The following IGSF10 variants were observed in gnomAD, a reference collection of about 807,000 sequenced individuals.
IGSF10 encodes the protein calvaria mechanical force protein 608.
In IGSF10, 126 loss-of-function variants were observed where a neutral mutation model predicts 128.2. The observed-to-expected ratio is 0.98, with a 90% CI of 0.85 to 1.14. IGSF10 has a LOEUF of 1.14. Among genes scored for constraint, IGSF10 ranks in the 50% most tolerant of loss-of-function variants. The pLI, the probability that IGSF10 is intolerant of heterozygous loss-of-function variation, is 0.00. For missense variants in IGSF10, 3,295 were observed against 3,149.8 expected (o/e 1.05, Z -1.10); for synonymous variants, 1,185 against 1,146.2 (o/e 1.03, Z -0.68).
At chr3:151,498,958 GA>G in the IGSF10 span, among the ~76,000 whole-genome samples, 2 of 151,974 alleles carry the variant, frequency 1.3e-5, no homozygotes, top group East Asian at 3.9e-4. Flanking sequence ...TTTTTAATAG[GA>G]TTTTTTTTCA....
intron 7 of IGSF10, among the ~76,000 whole-genome samples, 162 bp downstream of exon 7, chr3:151,442,822 G>C (rs1333796258): frequency 6.6e-6 from 1 of 152,152 alleles, no homozygotes; most frequent in Non-Finnish European, 1.5e-5. Flanking sequence ...GTATTCAAAT[G>C]ATCTCAAAAG....
intron 7 of IGSF10, among the ~76,000 whole-genome samples, chr3:151,442,378 C>T (rs1452401039): frequency 1.5e-4 from 9 of 61,264 alleles, no homozygotes; most frequent in Non-Finnish European, 2.1e-4. Context: ...TATACAATTA[C>T]TATTTTTTTT....
upstream of IGSF10, among the ~76,000 whole-genome samples, chr3:151,463,545 T>TTTG (rs1560185567): frequency 3.5e-4 from 38 of 108,408 alleles, 3 homozygotes; most frequent in African/African-American, 1.3e-3. Flanking sequence ...TTTTTTTTTT[T>TTTG]TTTTTTTTTT....
At chr3:151,509,772 C>T in the IGSF10 span, among the ~76,000 whole-genome samples, 1 of 152,214 alleles carries the variant, frequency 6.6e-6, no homozygotes, top group East Asian at 1.9e-4. Context: ...GGGTCACTCC[C>T]ACCCTAATAC....
chr3:151,568,327 C>A, the IGSF10 span, among the ~76,000 whole-genome samples: 1 of 152,178 alleles, frequency 6.6e-6, no homozygotes, highest in Non-Finnish European at 1.5e-5. Flanking sequence ...CGTGCCTCCT[C>A]CAGACACTGT....
chr3:151,550,400 G>A, the IGSF10 span, among the ~76,000 whole-genome samples: 426 of 151,944 alleles, frequency 2.8e-3, 1 homozygote, highest in African/African-American at 9.1e-3. Context: ...TCTTGTGTCC[G>A]GGCCAATAGA....
the IGSF10 span, among the ~76,000 whole-genome samples, chr3:151,526,612 C>T: frequency 6.6e-6 from 1 of 152,094 alleles, no homozygotes; most frequent in Non-Finnish European, 1.5e-5. Context: ...CTTTCTTCTG[C>T]ATAAGTTATT....
chr3:151,603,129 G>A, the IGSF10 span, among the ~76,000 whole-genome samples: 1 of 152,290 alleles, frequency 6.6e-6, no homozygotes, highest in East Asian at 1.9e-4. Flanking sequence ...GGGCTTTCAG[G>A]TTGTCTGTGA....
the IGSF10 span, among the ~76,000 whole-genome samples, chr3:151,469,602 C>T: frequency 6.6e-6 from 1 of 152,268 alleles, no homozygotes; most frequent in South Asian, 2.1e-4. Context: ...TGTAATACCC[C>T]TGATCTCTCA....
the IGSF10 span, among the ~76,000 whole-genome samples, chr3:151,581,533 G>A: frequency 6.6e-6 from 1 of 152,242 alleles, no homozygotes; most frequent in East Asian, 1.9e-4. Flanking sequence ...TGGAATGACA[G>A]CTCACCTTAT....
the IGSF10 span, among the ~76,000 whole-genome samples, chr3:151,485,493 T>C: frequency 6.6e-6 from 1 of 151,954 alleles, no homozygotes; most frequent in African/African-American, 2.4e-5. Context: ...CCAAGACACA[T>C]AATCACCAGA....
chr3:151,496,342 T>A, the IGSF10 span, among the ~76,000 whole-genome samples: 11 of 141,580 alleles, frequency 7.8e-5, no homozygotes, highest in Admixed American at 7.8e-4. Flanking sequence ...ATGCTATCCT[T>A]CCCCCCTCCC....
At chr3:151,582,868 A>T in the IGSF10 span, among the ~76,000 whole-genome samples, 1 of 152,102 alleles carries the variant, frequency 6.6e-6, no homozygotes, top group East Asian at 1.9e-4. Flanking sequence ...ATTTTTACTA[A>T]TTTTTTCTAA....
At chr3:151,614,421 T>C in the IGSF10 span, among the ~76,000 whole-genome samples, 20,614 of 152,102 alleles carry the variant, frequency 0.14, 1,745 homozygotes, top group African/African-American at 0.24. Context: ...GGAACCAACC[T>C]AAATGTCCAA....
chr3:151,434,261 T>C (rs1244173290), downstream of IGSF10: 2 of 152,316 alleles, frequency 1.3e-5, no homozygotes, highest in East Asian at 3.9e-4. Flanking sequence ...TTAGTAGACA[T>C]TTTCTTTTGC....
At chr3:151,544,693 T>C in the IGSF10 span, among the ~76,000 whole-genome samples, 17 of 132,028 alleles carry the variant, frequency 1.3e-4, no homozygotes, top group East Asian at 5.0e-4. Context: ...TTTTCTCTCT[T>C]TTTTTTTTTT....
the IGSF10 span, among the ~76,000 whole-genome samples, chr3:151,597,979 C>T: frequency 6.6e-6 from 1 of 150,530 alleles, no homozygotes; most frequent in Non-Finnish European, 1.5e-5. Flanking sequence ...TGTGGAGGCA[C>T]AAATTGAAAT....
chr3:151,552,616 T>C, the IGSF10 span, among the ~76,000 whole-genome samples: 2 of 152,192 alleles, frequency 1.3e-5, no homozygotes, highest in African/African-American at 2.4e-5. Context: ...CTTTGGATGA[T>C]GTAAGTCAGG....
chr3:151,614,475 G>A, the IGSF10 span, among the ~76,000 whole-genome samples: 1 of 152,138 alleles, frequency 6.6e-6, no homozygotes, highest in African/African-American at 2.4e-5. Flanking sequence ...TATATACCAT[G>A]GGATACTATG....
Sources: gnomAD v4.1 joint callset for allele counts (sites outside exome capture counted in the v4.1 genomes callset) on GRCh38, gnomAD v4.1.1 for gene constraint, MANE v1.5 for transcripts, NCBI Gene and HGNC (gene_info 2026-07-23, HGNC 2026-07-21) for gene names.